Variants in SPON2 observed in about 807,000 individuals in gnomAD.
SPON2 encodes the protein spondin-2.
Under a neutral mutation model 29.9 loss-of-function variants are expected in SPON2, and 32 were observed. The observed-to-expected ratio is 1.07, with a 90% CI of 0.81 to 1.44. The LOEUF is 1.44. SPON2 is among the 40% of genes most tolerant of loss of function. SPON2 has a pLI of 0.00. For missense variants in SPON2, 541 were observed against 455.5 expected (o/e 1.19, Z -1.71); for synonymous variants, 248 against 209.1 (o/e 1.19, Z -1.61).
At chr4:1,195,547 A>G (rs1728048553), upstream of SPON2, among the ~76,000 whole-genome samples, 1 of 151,670 alleles carries the variant, frequency 6.6e-6, no homozygotes. Flanking sequence ...CATCCCGGGC[A>G]CCACATGTGG....
Position 1,167,127 on chromosome 4 carries a change from G to A in SPON2, c.*345C>T. 1 of 220,312 alleles carries A rather than the reference G, an allele frequency of 4.5e-6. No homozygotes were observed. Among genetic ancestry groups the A allele is most frequent in the Non-Finnish European group, 9.0e-6 (1 of 111,662 alleles). The allele number at this position is 220,312 out of a possible 1,614,324, so 13.6% of individuals were successfully genotyped here. On this transcript the variant is annotated 3_prime_UTR_variant, in exon 6 of 6. Transcript: ENST00000290902. ...GCAACCACGTGGGAGCCAGGCCCCT[G>A]GACGATGAAGGACAATCTCCTGGAG...
intron 1 of SPON2, among the ~76,000 whole-genome samples, chr4:1,193,093 C>G (rs1727944305): frequency 6.6e-6 from 1 of 152,238 alleles, no homozygotes; most frequent in Admixed American, 6.5e-5. Flanking sequence ...ATGCCCGACA[C>G]AGCTGCACCA....
At position 1,202,381 on chromosome 4, in the gene SPON2, A is replaced by C. The variant is rs1039545615; in HGVS notation, c.-234+5499T>G. 1.3e-5 allele frequency among the ~76,000 whole-genome samples: 2 copies of C among 152,230 alleles called. No homozygotes were observed. The highest frequency in any genetic ancestry group is 4.8e-5 in the African/African-American group (2 of 41,462). On this transcript the variant is annotated intron_variant, in intron 1 of 3. Transcript: ENST00000509233. The surrounding 1 kb of genome is among the most constrained non-coding windows in gnomAD (Gnocchi z 5.4). ...GTCTAAGTTTCAGCCTGAGCTTTAG[A>C]GGACGGAAACGTTCCAACCACGGCA...
chr4:1,199,675 A>C (rs1560212877), upstream of SPON2: 1 of 152,272 alleles, frequency 6.6e-6, no homozygotes, highest in Non-Finnish European at 1.5e-5. The surrounding 1 kb of genome is among the most constrained non-coding windows in gnomAD (Gnocchi z 4.5). Flanking sequence ...GTCGCCACAC[A>C]TGGGGTCCCC....
At chr4:1,196,146 G>T (rs1340920373), upstream of SPON2, among the ~76,000 whole-genome samples, 1 of 152,154 alleles carries the variant, frequency 6.6e-6, no homozygotes, top group Non-Finnish European at 1.5e-5. Flanking sequence ...CACATCGATG[G>T]GGTGCCTAGC....
At chr4:1,186,536 T>C (rs553748302) in intron 1 of SPON2, among the ~76,000 whole-genome samples, 2 of 152,218 alleles carry the variant, frequency 1.3e-5, no homozygotes, top group South Asian at 4.1e-4. Context: ...ACTCCTGAGC[T>C]CAGGTGATCC....
chr4:1,185,987 G>C (rs1353627502), intron 1 of SPON2, among the ~76,000 whole-genome samples: 1 of 151,814 alleles, frequency 6.6e-6, no homozygotes, highest in Admixed American at 6.6e-5. Context: ...GCTCACGCCT[G>C]TAATCCCAGC....
chr4:1,171,942 T>A lies in SPON2; in HGVS notation c.130A>T (p.Ser44Cys). The change falls in exon 2 of 6, where the codon AGC (serine) becomes TGC (cysteine). Residue 44 changes from serine to cysteine, a missense_variant. Ser to Cys is a moderately radical substitution (Grantham distance 112, BLOSUM62 -1). Transcript: ENST00000290902. ...CTCCACTTGCCCGTGAAGGTGATGC[T>A]GTATTTGGCCAGGGCTCTGGCGGAA... The part of the protein sequence containing the change: ...ICSARALAKY[S>C]ITFTGKWSQT... 6.2e-7 allele frequency: 1 copy of A among 1,612,808 alleles called. No homozygotes were observed. The highest frequency in any genetic ancestry group is 8.5e-7 in the Non-Finnish European group (1 of 1,179,826).
chr4:1,177,552 G>A (rs573126491), upstream of SPON2, among the ~76,000 whole-genome samples: 3 of 152,084 alleles, frequency 2.0e-5, no homozygotes, highest in South Asian at 4.2e-4. Flanking sequence ...AATGCCTGGC[G>A]AGCCTCCCCT....
At chr4:1,184,212 A>T (rs749794666) in intron 1 of SPON2, among the ~76,000 whole-genome samples, 3 of 152,116 alleles carry the variant, frequency 2.0e-5, no homozygotes, top group Admixed American at 2.0e-4. Context: ...CAAGTGATTC[A>T]CCCACCTCAG....
At chr4:1,171,220 C>T (rs1433318578) in intron 3 of SPON2, 30 bp from the exon 4 acceptor site, 2 of 1,443,210 alleles carry the variant, frequency 1.4e-6, no homozygotes, top group African/African-American at 1.5e-5. Context: ...GCGCGCCTGG[C>T]CCCGGCCCCC....
At chr4:1,170,704 C>T (rs1381574531) in intron 4 of SPON2, 128 bp from the exon 5 acceptor site, 2 of 1,194,646 alleles carry the variant, frequency 1.7e-6, no homozygotes, top group Admixed American at 2.0e-5. Context: ...GACAGGGTCC[C>T]ATGTACTCCT....
chr4:1,206,173 A>G (rs1728336709), intron 1 of SPON2, among the ~76,000 whole-genome samples: 1 of 152,164 alleles, frequency 6.6e-6, no homozygotes, highest in Non-Finnish European at 1.5e-5. Flanking sequence ...GAACAGGAGG[A>G]TGCCCCCCTC....
chr4:1,172,881 T>C (rs1192823049), upstream of SPON2: 62 of 6,540 alleles, frequency 9.5e-3, 2 homozygotes, highest in African/African-American at 0.027. Flanking sequence ...GTCCCCTCCC[T>C]TCCCCTCCCC....
chr4:1,183,327 T>C (rs1727734957), intron 1 of SPON2, among the ~76,000 whole-genome samples: 2 of 151,886 alleles, frequency 1.3e-5, no homozygotes, highest in Admixed American at 1.3e-4. Context: ...CCTCTAGGCC[T>C]GCCCTGCAAG....
At position 1,167,108 on chromosome 4, in the gene SPON2, A is replaced by T. The variant is rs1244724527; in HGVS notation, c.*364T>A. On this transcript the variant is annotated 3_prime_UTR_variant, in exon 6 of 6. Transcript: ENST00000290902. ...CACCAGGTCTGAGGTATCTGCAACC[A>T]CGTGGGAGCCAGGCCCCTGGACGAT... The T allele has an allele frequency of 1.0e-5, 2 of 199,128 alleles. No individual in the cohort carries two copies. Among genetic ancestry groups the T allele is most frequent in the African/African-American group, 4.6e-5 (2 of 43,110 alleles). The allele number at this position is 199,128 out of a possible 1,614,324, so 12.3% of individuals were successfully genotyped here. A position where few individuals can be genotyped will look rare whatever the true frequency, so the allele number is the denominator to read the frequency against.
At chr4:1,186,515 G>A (rs1050282998) in intron 1 of SPON2, among the ~76,000 whole-genome samples, 3 of 152,074 alleles carry the variant, frequency 2.0e-5, no homozygotes, top group Non-Finnish European at 2.9e-5. Flanking sequence ...TGTTGCCCAG[G>A]CTGGTCTCAA....
At chr4:1,186,418 C>G (rs1284511725) in intron 1 of SPON2, among the ~76,000 whole-genome samples, 2 of 151,726 alleles carry the variant, frequency 1.3e-5, no homozygotes, top group Non-Finnish European at 2.9e-5. Context: ...ATTCTCCTGT[C>G]TCAACCTCCC....
chr4:1,180,072 C>T (rs1243416864), intron 1 of SPON2, among the ~76,000 whole-genome samples: 1 of 152,012 alleles, frequency 6.6e-6, no homozygotes, highest in Non-Finnish European at 1.5e-5. Context: ...CACACATATT[C>T]CCAGGTCTGA....
Sources: gnomAD v4.1 joint callset for allele counts (sites outside exome capture counted in the v4.1 genomes callset) on GRCh38, gnomAD v4.1.1 for gene constraint, Gnocchi (gnomAD v3.1) non-coding constraint, MANE v1.5 for transcripts, NCBI Gene and HGNC (gene_info 2026-07-23, HGNC 2026-07-21) for gene names.